SMIM14: variants seen among roughly 807,000 people sequenced by gnomAD.
SMIM14 encodes the protein small integral membrane protein 14.
SMIM14 carries 5 observed loss-of-function variants against 12.6 expected under a neutral mutation model. The observed-to-expected ratio is 0.40, with a 90% CI of 0.21 to 0.83. The LOEUF (loss-of-function observed/expected upper bound fraction) is 0.83, where lower values mean the gene tolerates loss of function less well. Ranked by LOEUF, SMIM14 falls within the 40% of genes least tolerant of loss-of-function variation. SMIM14 has a pLI of 0.37. For synonymous variants in SMIM14, 30 were observed against 40.1 expected (o/e 0.75, Z 0.95); for missense variants, 86 against 119.1 (o/e 0.72, Z 1.29).
At chr4:39,612,213 A>G (rs1357599160) in intron 1 of SMIM14, 1 of 151,932 alleles carries the variant, frequency 6.6e-6, no homozygotes, top group Non-Finnish European at 1.5e-5. Flanking sequence ...CCTTATATGT[A>G]AAGTTCACCA....
At chr4:39,571,432 T>G (rs1712880579) in intron 3 of SMIM14, among the ~76,000 whole-genome samples, 1 of 151,888 alleles carries the variant, frequency 6.6e-6, no homozygotes, top group Non-Finnish European at 1.5e-5. Flanking sequence ...TCTAAAAAAT[T>G]AGCCATGCAT....
chr4:39,562,458 C>G lies in SMIM14; in HGVS notation c.125-5888G>C, dbSNP rs76132867. On this transcript the variant is annotated intron_variant, in intron 3 of 4. Transcript: ENST00000295958. Reference sequence around the variant, plus strand: ...ATCTCTGCTGATCAATGTGGTAACTCAGTTTCCACTGCCTACTGTTTCAAC... The same window carrying G: ...ATCTCTGCTGATCAATGTGGTAACTGAGTTTCCACTGCCTACTGTTTCAAC... 6.0e-4 allele frequency among the ~76,000 whole-genome samples: 92 copies of G among 152,184 alleles called. 1 individual carries two copies. In the East Asian group the frequency reaches 0.016, roughly 27 times the overall value.
intron 2 of SMIM14, among the ~76,000 whole-genome samples, chr4:39,579,470 G>A (rs1249038243): frequency 1.3e-5 from 2 of 151,704 alleles, no homozygotes; most frequent in African/African-American, 2.4e-5. Flanking sequence ...TTAAGAGAAT[G>A]GAAGACTTGC....
intron 3 of SMIM14, among the ~76,000 whole-genome samples, chr4:39,570,708 G>A (rs1421245731): frequency 6.6e-6 from 1 of 151,894 alleles, no homozygotes; most frequent in Non-Finnish European, 1.5e-5. Context: ...CCAGGCTGGA[G>A]TGCAGTGGCA....
chr4:39,564,722 C>T (rs1712487019), intron 3 of SMIM14, among the ~76,000 whole-genome samples: 1 of 152,078 alleles, frequency 6.6e-6, no homozygotes, highest in South Asian at 2.1e-4. Flanking sequence ...CTAAGGGAAG[C>T]CTCACTAAGA....
intron 3 of SMIM14, among the ~76,000 whole-genome samples, chr4:39,571,301 G>A (rs10004518): frequency 0.016 from 2,361 of 152,024 alleles, 50 homozygotes; most frequent in African/African-American, 0.054. Context: ...CAAGTGGCTG[G>A]GCATGGTGAC....
intron 2 of SMIM14, among the ~76,000 whole-genome samples, chr4:39,577,975 C>T (rs1219712370): frequency 6.6e-6 from 1 of 152,144 alleles, no homozygotes; most frequent in African/African-American, 2.4e-5. Context: ...TGCCGAAGTA[C>T]CACAACCATA....
chr4:39,575,647 C>T (rs964081539), intron 2 of SMIM14, among the ~76,000 whole-genome samples: 2 of 152,130 alleles, frequency 1.3e-5, no homozygotes, highest in African/African-American at 4.8e-5. Context: ...TGCACTGGCA[C>T]AATCTTGGCT....
At chr4:39,583,816 A>C (rs1713640356) in intron 2 of SMIM14, 1 of 152,158 alleles carries the variant, frequency 6.6e-6, no homozygotes, top group Admixed American at 6.5e-5. Context: ...TGATGCCTCC[A>C]AATAGCTCAA....
intron 1 of SMIM14, chr4:39,638,510 G>T (rs1229584292): frequency 1.0e-6 from 1 of 985,334 alleles, no homozygotes; most frequent in African/African-American, 1.7e-5. Flanking sequence ...CTGACATCCT[G>T]CAGAGAATAC....
At chr4:39,575,060 T>C (rs1232995525) in intron 2 of SMIM14, among the ~76,000 whole-genome samples, 1 of 149,394 alleles carries the variant, frequency 6.7e-6, no homozygotes, top group African/African-American at 2.4e-5. Context: ...AGTCTTGTTT[T>C]AATAAGAACG....
chr4:39,619,848 ATTTATATATATT>A lies in SMIM14; in HGVS notation c.-35-14680_-35-14669del, dbSNP rs1715400492. Among the ~76,000 whole-genome samples the A allele has an allele frequency of 6.7e-5, 5 of 74,132 alleles. No homozygotes were observed. The South Asian group carries it at 1.7e-3, about 25-fold the overall frequency. The allele number at this position is 74,132 out of a possible 152,430, so 48.6% of individuals were successfully genotyped here. On this transcript the variant is annotated intron_variant, in intron 1 of 4. Coordinates refer to ENST00000295958, the MANE Select transcript of SMIM14 (RefSeq NM_174921.3). Reference sequence around the variant, plus strand: ...TATGTATATATAAATGTATATATATATTTATATATATTTATATATATATATATATTTTTTTTT... The same window carrying A: ...TATGTATATATAAATGTATATATATATATATATATATATATATTTTTTTTT...
intron 3 of SMIM14, among the ~76,000 whole-genome samples, chr4:39,571,478 G>A (rs1712883227): frequency 6.6e-6 from 1 of 152,056 alleles, no homozygotes; most frequent in Non-Finnish European, 1.5e-5. Flanking sequence ...TACTAGGGAG[G>A]CTGAGGTGGG....
intron 1 of SMIM14, among the ~76,000 whole-genome samples, chr4:39,617,126 TAC>T (rs2110069589): frequency 6.6e-6 from 1 of 152,270 alleles, no homozygotes; most frequent in East Asian, 1.9e-4. Context: ...TACATATATG[TAC>T]AAAATTACAT....
chr4:39,587,754 A>G (rs552592288), intron 2 of SMIM14, among the ~76,000 whole-genome samples: 1 of 152,214 alleles, frequency 6.6e-6, no homozygotes, highest in African/African-American at 2.4e-5. Context: ...CCTGTCAAAG[A>G]AGAAAGGAGG....
At chr4:39,615,798 G>C (rs1560305414) in intron 1 of SMIM14, among the ~76,000 whole-genome samples, 1 of 152,150 alleles carries the variant, frequency 6.6e-6, no homozygotes, top group Admixed American at 6.6e-5. Flanking sequence ...GAAAACTGTT[G>C]AGCCTACTTT....
At chr4:39,563,741 T>C (rs1044287478) in intron 3 of SMIM14, among the ~76,000 whole-genome samples, 1 of 152,232 alleles carries the variant, frequency 6.6e-6, no homozygotes, top group African/African-American at 2.4e-5. Context: ...ATAGCATTTC[T>C]AGTTTGAAGG....
At chr4:39,559,250 G>C (rs1712169929) in intron 3 of SMIM14, among the ~76,000 whole-genome samples, 1 of 152,084 alleles carries the variant, frequency 6.6e-6, no homozygotes, top group African/African-American at 2.4e-5. Flanking sequence ...TTAGCTGGGT[G>C]GGGTGGCGTG....
In SMIM14 at chr4:39,550,048, G is replaced by C. The variant is rs899204505; in HGVS notation, c.*2078C>G. On this transcript the variant is annotated 3_prime_UTR_variant, in exon 5 of 5. Transcript: ENST00000295958. ...TCTAGAATGTAATCATAATAAAGGGGGGAAAATACCTTATGAGTATCACAA... is the reference window on the plus strand; with the variant it reads ...TCTAGAATGTAATCATAATAAAGGGCGGAAAATACCTTATGAGTATCACAA... 1 of 151,914 alleles carries C rather than the reference G, an allele frequency of 6.6e-6. No individual in the cohort carries two copies. Among genetic ancestry groups the C allele is most frequent in the Non-Finnish European group, 1.5e-5 (1 of 67,994 alleles). 9.4% of individuals were successfully genotyped at this position (151,914 alleles called of 1,614,324 possible). A position where few individuals can be genotyped will look rare whatever the true frequency, so the allele number is the denominator to read the frequency against.
Sources: gnomAD v4.1 joint callset for allele counts (sites outside exome capture counted in the v4.1 genomes callset) on GRCh38, gnomAD v4.1.1 for gene constraint, MANE v1.5 for transcripts, NCBI Gene and HGNC (gene_info 2026-07-23, HGNC 2026-07-21) for gene names.